The following PDE12 variants were observed in gnomAD, a reference collection of about 807,000 sequenced individuals.
The protein encoded by PDE12 is phosphodiesterase 12, also known as 2',5'-phosphodiesterase 12.
In PDE12, 26 loss-of-function variants were observed where a neutral mutation model predicts 45.4. That is an observed-to-expected ratio of 0.57 (90% CI 0.42 to 0.79). The LOEUF is 0.79. Among genes scored for constraint, PDE12 ranks in the 30% least tolerant of loss-of-function variants. PDE12 has a pLI of 0.00. For synonymous variants in PDE12, 283 were observed against 323.9 expected (o/e 0.87, Z 1.36); for missense variants, 668 against 790.0 (o/e 0.85, Z 1.85).
chr3:57,644,163 A>C, the PDE12 span, among the ~76,000 whole-genome samples: 1 of 152,004 alleles, frequency 6.6e-6, no homozygotes, highest in Non-Finnish European at 1.5e-5. Context: ...AAAAAAAAAA[A>C]AAAACTATCA....
the PDE12 span, among the ~76,000 whole-genome samples, chr3:57,612,737 C>A: frequency 7.0e-6 from 1 of 143,484 alleles, no homozygotes; most frequent in Non-Finnish European, 1.5e-5. Context: ...TGCCACTGCA[C>A]TTCAGCCTGG....
At chr3:57,605,862 C>G in the PDE12 span, among the ~76,000 whole-genome samples, 3 of 151,930 alleles carry the variant, frequency 2.0e-5, no homozygotes, top group Non-Finnish European at 4.4e-5. Flanking sequence ...GAAAAGTACA[C>G]TAGATGGAAT....
At chr3:57,576,114 G>C in the PDE12 span, among the ~76,000 whole-genome samples, 1 of 152,190 alleles carries the variant, frequency 6.6e-6, no homozygotes, top group African/African-American at 2.4e-5. Context: ...CAATTATCTG[G>C]GTGTTGGCAG....
the PDE12 span, chr3:57,646,446 G>A: frequency 6.2e-7 from 1 of 1,605,214 alleles, no homozygotes. Flanking sequence ...CACCTGAAAG[G>A]TGATGCACAG....
chr3:57,607,192 G>C, the PDE12 span, among the ~76,000 whole-genome samples: 5 of 152,284 alleles, frequency 3.3e-5, no homozygotes, highest in African/African-American at 1.2e-4. Context: ...GGTCCTGACT[G>C]TTAGAAGGAA....
downstream of PDE12, among the ~76,000 whole-genome samples, chr3:57,570,117 T>C (rs143759963): frequency 3.6e-3 from 546 of 152,222 alleles, 1 homozygote; most frequent in African/African-American, 0.013. Context: ...ATTCATCCAG[T>C]TGGCTAGGGA....
chr3:57,631,439 C>T, the PDE12 span, among the ~76,000 whole-genome samples: 1 of 152,154 alleles, frequency 6.6e-6, no homozygotes, highest in Non-Finnish European at 1.5e-5. Context: ...CATGATCCAC[C>T]TGCCTCAGCC....
At chr3:57,569,664 T>C (rs1449575625), downstream of PDE12, among the ~76,000 whole-genome samples, 1 of 151,746 alleles carries the variant, frequency 6.6e-6, no homozygotes, top group Non-Finnish European at 1.5e-5. Context: ...CCTAATACTT[T>C]CTTTAAAAAC....
At chr3:57,613,293 AC>A in the PDE12 span, among the ~76,000 whole-genome samples, 55 of 147,392 alleles carry the variant, frequency 3.7e-4, no homozygotes, top group Non-Finnish European at 4.0e-4. Flanking sequence ...AAAAAAAAAA[AC>A]AACTTTTTTT....
the PDE12 span, chr3:57,634,807 A>G: frequency 1.4e-5 from 20 of 1,458,818 alleles, no homozygotes; most frequent in Non-Finnish European, 1.8e-5. Flanking sequence ...TAATTATTCT[A>G]ATCATACATA....
Position 57,561,276 on chromosome 3 carries a change from T to C in PDE12, c.*1272T>C, listed in dbSNP as rs2069725107. ...AATTTTGGATGAATCATTGAGCATT[T>C]CTACACTAGAAGTAATTTCAAAATT... On this transcript the variant is annotated 3_prime_UTR_variant, in exon 3 of 3. Transcript: ENST00000311180. 2.0e-6 allele frequency: 2 copies of C among 985,652 alleles called. No individual in the cohort carries two copies. Among genetic ancestry groups the C allele is most frequent in the Non-Finnish European group, 2.4e-6 (2 of 829,718 alleles). 61.1% of individuals were successfully genotyped at this position (985,652 alleles called of 1,614,324 possible).
the PDE12 span, among the ~76,000 whole-genome samples, chr3:57,602,635 A>G: frequency 0.16 from 24,135 of 152,038 alleles, 2,051 homozygotes; most frequent in South Asian, 0.23. Flanking sequence ...CAGTGGCACG[A>G]TCTTGGCTCA....
the PDE12 span, among the ~76,000 whole-genome samples, chr3:57,615,546 C>G: frequency 6.6e-6 from 1 of 151,988 alleles, no homozygotes; most frequent in Non-Finnish European, 1.5e-5. Flanking sequence ...ATAGGCCAGG[C>G]GTGAGCCAGC....
the PDE12 span, among the ~76,000 whole-genome samples, chr3:57,606,198 G>A: frequency 5.9e-5 from 9 of 152,122 alleles, no homozygotes; most frequent in African/African-American, 1.9e-4. Context: ...TATCAAATAA[G>A]TTGAAACCAG....
chr3:57,654,675 T>C, the PDE12 span: 1 of 985,154 alleles, frequency 1.0e-6, no homozygotes. Flanking sequence ...GAGGAAACTA[T>C]TTCTGTGATC....
the PDE12 span, among the ~76,000 whole-genome samples, chr3:57,605,631 A>G: frequency 6.6e-6 from 1 of 152,334 alleles, no homozygotes; most frequent in African/African-American, 2.4e-5. Flanking sequence ...ACAAGGATTT[A>G]AAGTAAAACG....
chr3:57,592,626 C>T, the PDE12 span, among the ~76,000 whole-genome samples: 2 of 152,116 alleles, frequency 1.3e-5, no homozygotes, highest in Non-Finnish European at 2.9e-5. Flanking sequence ...AGTTAATTAG[C>T]AGCAAATTAT....
the PDE12 span, chr3:57,597,821 G>A: frequency 2.6e-5 from 4 of 152,438 alleles, no homozygotes; most frequent in East Asian, 7.7e-4. Flanking sequence ...GAACTTACAC[G>A]TTTCACACAC....
the PDE12 span, among the ~76,000 whole-genome samples, chr3:57,621,225 AAAT>A: frequency 7.9e-5 from 12 of 152,316 alleles, no homozygotes; most frequent in South Asian, 8.3e-4. Flanking sequence ...TGATTTTTGG[AAAT>A]AATAATAATA....
Sources: allele counts gnomAD v4.1 joint callset (sites outside exome capture counted in the v4.1 genomes callset), GRCh38; gene constraint gnomAD v4.1.1; transcripts MANE v1.5; gene names NCBI Gene and HGNC (gene_info 2026-07-23, HGNC 2026-07-21).